Variants in NOX3 observed in about 807,000 individuals in gnomAD.
NOX3 encodes NADPH oxidase 3, also known as NADPH oxidase catalytic subunit-like 3.
Under a neutral mutation model 76.7 loss-of-function variants are expected in NOX3, and 74 were observed. That is an observed-to-expected ratio of 0.96 (90% CI 0.80 to 1.17). NOX3 has a LOEUF of 1.17. NOX3 is among the 50% of genes most tolerant of loss of function. The pLI, the probability that NOX3 is intolerant of heterozygous loss-of-function variation, is 0.00. For missense variants in NOX3, 695 were observed against 703.3 expected (o/e 0.99, Z 0.13); for synonymous variants, 263 against 261.1 (o/e 1.01, Z -0.07).
At chr6:155,426,988 T>TGC (rs200933946) in intron 9 of NOX3, among the ~76,000 whole-genome samples, 1,200 of 91,888 alleles carry the variant, frequency 0.013, 61 homozygotes, top group African/African-American at 0.036. Context: ...CTGTGGCGTG[T>TGC]GTGTGTGTGT....
Position 155,428,862 on chromosome 6 carries a change from C to G in NOX3, c.1077G>C (p.Trp359Cys), listed in dbSNP as rs1776793023. The change falls in exon 9 of 14, where the codon TGG (tryptophan) becomes TGC (cysteine). Residue 359 changes from tryptophan to cysteine, a missense_variant. By Grantham distance (215) the Trp-to-Cys change is radical. Coordinates refer to ENST00000159060, the MANE Select transcript of NOX3 (RefSeq NM_015718.3). ...CAAAGGCCTCCAGTAGCGCTGCTGT[C>G]CAGTCTCCTGCTGCCCGGATGTGCA... ...FSVHIRAAGD[W>C]TAALLEAFGA... The G allele has an allele frequency of 6.2e-7, 1 of 1,610,556 alleles. No homozygotes were observed. The highest frequency in any genetic ancestry group is 8.5e-7 in the Non-Finnish European group (1 of 1,177,678).
chr6:155,451,357 G>A (rs995462458), intron 4 of NOX3, among the ~76,000 whole-genome samples: 6 of 152,020 alleles, frequency 3.9e-5, no homozygotes, highest in Non-Finnish European at 7.4e-5. Flanking sequence ...TCAGTAGCAG[G>A]GGTATAAAAT....
rs570955090 is a variant in NOX3, at chr6:155,435,802, A to C, written c.798+616T>G. Among the ~76,000 whole-genome samples, 97 of 152,346 alleles carry C rather than the reference A, an allele frequency of 6.4e-4. 2 individuals carry two copies. The highest frequency in any genetic ancestry group is 2.1e-3 in the African/African-American group (88 of 41,584). ...CCCTATGCTACCAACTGTAATGGTT[A>C]CCACCTACCCGGGAAATCTGACTTT... On this transcript the variant is annotated intron_variant, in intron 7 of 13. Transcript: ENST00000159060.
Position 155,428,934 on chromosome 6 carries a change from C to T in NOX3, c.1005G>A (p.Trp335Ter), listed in dbSNP as rs1263856109. 3 of 1,613,898 alleles carry T rather than the reference C, an allele frequency of 1.9e-6. No homozygotes were observed. The highest frequency in any genetic ancestry group is 2.5e-6 in the Non-Finnish European group (3 of 1,179,920). ...VQCPAISSLE[W>*]HPFTLTSAPQ... The stretch of plus-strand genomic sequence containing the variant: ...GGGCAGAGGTAAGGGTGAAGGGGTG[C>T]CACTCCAGCGAAGATATGGCTGGGC... The change falls in exon 9 of 14, where the codon TGG becomes TGA. Residue 335 changes from tryptophan (W) to a stop codon, truncating the protein, a stop_gained. Coordinates refer to ENST00000159060, the MANE Select transcript of NOX3 (RefSeq NM_015718.3). LOFTEE classifies it high-confidence loss of function.
At chr6:155,400,382 T>A (rs1582923954) in intron 12 of NOX3, among the ~76,000 whole-genome samples, 1 of 152,070 alleles carries the variant, frequency 6.6e-6, no homozygotes, top group South Asian at 2.1e-4. Context: ...AAACCCTATT[T>A]AAAAAAAAGC....
At chr6:155,405,538 C>T (rs1776439784) in intron 12 of NOX3, among the ~76,000 whole-genome samples, 1 of 152,142 alleles carries the variant, frequency 6.6e-6, no homozygotes, top group African/African-American at 2.4e-5. Flanking sequence ...CATCTGCCCA[C>T]TCCAAAATTC....
chr6:155,444,942 C>A (rs930539213), intron 4 of NOX3, among the ~76,000 whole-genome samples: 5 of 152,168 alleles, frequency 3.3e-5, no homozygotes, highest in African/African-American at 1.2e-4. Context: ...ATTTATGGAA[C>A]TAAATGTACC....
intron 12 of NOX3, among the ~76,000 whole-genome samples, chr6:155,403,930 A>C (rs577829545): frequency 6.6e-6 from 1 of 152,154 alleles, no homozygotes; most frequent in African/African-American, 2.4e-5. Flanking sequence ...AAATAAATAA[A>C]TAAATAAATA....
intron 4 of NOX3, 118 bp from the exon 5 acceptor site, chr6:155,443,536 G>A (rs1777022898): frequency 3.3e-6 from 4 of 1,202,492 alleles, no homozygotes; most frequent in Non-Finnish European, 4.6e-6. Flanking sequence ...AATCTCCAAG[G>A]AAAAGTGATG....
In NOX3 at chr6:155,436,463, T is replaced by A. The variant is rs1224959431; in HGVS notation, c.753A>T (p.Thr251=). ...FCRDRYAEWQ[T]VAQCPVPQFS... ...ATTGAGGCACGGGGCATTGGGCCAC[T>A]GTCTGCCATTCTGCATAGCGGTCTC... The change falls in exon 7 of 14, where the codon ACA becomes ACT. Residue 251 remains threonine, a synonymous_variant. Transcript: ENST00000159060. The A allele has an allele frequency of 1.2e-6, 2 of 1,614,178 alleles. No individual in the cohort carries two copies. The highest frequency in any genetic ancestry group is 4.5e-5 in the East Asian group (2 of 44,884).
At chr6:155,407,313 A>C in intron 11 of NOX3, 59 bp from the exon 12 acceptor site, 1 of 1,417,744 alleles carries the variant, frequency 7.1e-7, no homozygotes, top group Non-Finnish European at 9.7e-7. Context: ...ACTTCTATAA[A>C]TAAAGAATAA....
intron 10 of NOX3, among the ~76,000 whole-genome samples, chr6:155,416,564 G>A (rs1363539220): frequency 6.6e-6 from 1 of 152,058 alleles, no homozygotes; most frequent in Non-Finnish European, 1.5e-5. Context: ...CCAAGACCAG[G>A]CTTTGTCAAT....
chr6:155,421,968 AT>A (rs1214940419), intron 10 of NOX3, among the ~76,000 whole-genome samples: 1 of 152,164 alleles, frequency 6.6e-6, no homozygotes, highest in African/African-American at 2.4e-5. Flanking sequence ...TCTCCCTTTG[AT>A]AGATGAGGAC....
At chr6:155,430,258 T>C (rs1776814883) in intron 8 of NOX3, among the ~76,000 whole-genome samples, 2 of 152,040 alleles carry the variant, frequency 1.3e-5, no homozygotes, top group South Asian at 4.1e-4. Flanking sequence ...GAGGTAAACA[T>C]TGTGAGGACG....
At chr6:155,450,908 A>G (rs1178892787) in intron 4 of NOX3, among the ~76,000 whole-genome samples, 1 of 152,206 alleles carries the variant, frequency 6.6e-6, no homozygotes, top group Non-Finnish European at 1.5e-5. Context: ...AATAGCAGCA[A>G]GTGAATAACC....
chr6:155,450,260 G>A (rs1338625443), intron 4 of NOX3, among the ~76,000 whole-genome samples: 3 of 152,208 alleles, frequency 2.0e-5, no homozygotes, highest in Admixed American at 2.0e-4. Context: ...GGGAAAGAGG[G>A]AGAAAGAGCA....
chr6:155,446,345 T>C (rs1013531169), intron 4 of NOX3, among the ~76,000 whole-genome samples: 1 of 152,180 alleles, frequency 6.6e-6, no homozygotes, highest in Non-Finnish European at 1.5e-5. Flanking sequence ...GTATTCCTAA[T>C]TGCTGTTTTC....
At chr6:155,418,736 A>G (rs1562462281) in intron 10 of NOX3, among the ~76,000 whole-genome samples, 1 of 152,234 alleles carries the variant, frequency 6.6e-6, no homozygotes, top group African/African-American at 2.4e-5. Flanking sequence ...TTTACTTAGA[A>G]GTTTTCTAGA....
intron 10 of NOX3, among the ~76,000 whole-genome samples, chr6:155,420,036 A>ATG (rs1384763744): frequency 6.6e-6 from 1 of 152,162 alleles, no homozygotes; most frequent in East Asian, 1.9e-4. Flanking sequence ...GTATATATAT[A>ATG]TATGTATGAA....
Sources: allele counts gnomAD v4.1 joint callset (sites outside exome capture counted in the v4.1 genomes callset), GRCh38; gene constraint gnomAD v4.1.1; transcripts MANE v1.5; gene names NCBI Gene and HGNC (gene_info 2026-07-23, HGNC 2026-07-21).